Variants in NARS2 observed in about 807,000 individuals in gnomAD.
NARS2 encodes the protein asparaginyl-tRNA synthetase 2, mitochondrial.
A neutral mutation model predicts 62.9 loss-of-function variants in NARS2; 60 were observed. The ratio of observed to expected loss-of-function variants is 0.95; its 90% CI spans 0.77 to 1.18. The LOEUF (loss-of-function observed/expected upper bound fraction) is 1.18. NARS2 is among the 50% of genes most tolerant of loss of function. The pLI, the probability that NARS2 is intolerant of heterozygous loss-of-function variation, is 0.00. For synonymous variants in NARS2, 196 were observed against 200.0 expected, an observed-to-expected ratio of 0.98 and a Z score of 0.17; for missense variants, 619 against 576.4, an observed-to-expected ratio of 1.07 and a Z score of -0.76.
At chr11:78,449,080 A>C (rs1208621475) in intron 11 of NARS2, among the ~76,000 whole-genome samples, 1 of 151,158 alleles carries the variant, frequency 6.6e-6, no homozygotes, top group Non-Finnish European at 1.5e-5. Context: ...GCAACTGCAC[A>C]GTTATAGTTG....
intron 5 of NARS2, among the ~76,000 whole-genome samples, chr11:78,536,324 A>C (rs1855342536): frequency 6.6e-6 from 1 of 152,194 alleles, no homozygotes; most frequent in South Asian, 2.1e-4. Flanking sequence ...TTAACTGTAA[A>C]ACAAGCTCAG....
At chr11:78,530,248 GAT>G (rs1289277173) in intron 5 of NARS2, among the ~76,000 whole-genome samples, 1 of 151,838 alleles carries the variant, frequency 6.6e-6, no homozygotes, top group African/African-American at 2.4e-5. Context: ...TACTTGATCT[GAT>G]ATATGTTAAG....
intron 11 of NARS2, among the ~76,000 whole-genome samples, chr11:78,465,056 A>G (rs193019530): frequency 6.7e-4 from 102 of 152,258 alleles, no homozygotes; most frequent in Non-Finnish European, 1.2e-3. Flanking sequence ...GCGACACAGG[A>G]GCCCACGGAG....
intron 4 of NARS2, among the ~76,000 whole-genome samples, chr11:78,560,092 C>CT (rs111521465): frequency 0.024 from 3,626 of 152,240 alleles, 135 homozygotes; most frequent in African/African-American, 0.082. Flanking sequence ...TCAGTATAAA[C>CT]TTATCTTGAA....
rs67863152 is a variant in NARS2 at position 78,470,882 on chromosome 11, A to ATTTT, written c.960-1573_960-1570dup. On this transcript the variant is annotated intron_variant, in intron 9 of 13. Coordinates refer to ENST00000281038, the MANE Select transcript of NARS2 (RefSeq NM_024678.6). ...GTAAAATACTGCATCAGTATTTTGG[A>ATTTT]TTTTTTTTTTTTTTTTTTTTACAAA... Among the ~76,000 whole-genome samples the ATTTT allele has an allele frequency of 1.5e-3, 203 of 135,122 alleles. 4 individuals carry two copies. The highest frequency in any genetic ancestry group is 4.8e-3 in the South Asian group (21 of 4,340). The allele number at this position is 135,122 out of a possible 152,430, so 88.6% of individuals were successfully genotyped here.
chr11:78,548,897 G>A (rs758205114), intron 5 of NARS2, among the ~76,000 whole-genome samples: 4 of 152,096 alleles, frequency 2.6e-5, no homozygotes, highest in Non-Finnish European at 2.9e-5. Context: ...ACTAAAGCTC[G>A]GTGAGGACAA....
intron 9 of NARS2, among the ~76,000 whole-genome samples, chr11:78,477,757 TCTC>T (rs1468773122): frequency 1.2e-4 from 18 of 152,288 alleles, no homozygotes; most frequent in African/African-American, 3.1e-4. Flanking sequence ...CAGAGACTAA[TCTC>T]CTCCTGAGAA....
At chr11:78,529,474 T>C (rs761053311) in intron 5 of NARS2, among the ~76,000 whole-genome samples, 1 of 152,226 alleles carries the variant, frequency 6.6e-6, no homozygotes, top group Non-Finnish European at 1.5e-5. Context: ...AGCATGACTC[T>C]ATCTTTAAAA....
chr11:78,504,801 C>T (rs1044713452), intron 6 of NARS2, among the ~76,000 whole-genome samples: 2 of 152,058 alleles, frequency 1.3e-5, no homozygotes, highest in African/African-American at 4.8e-5. Flanking sequence ...TTAATCTGTT[C>T]GTATCTATCA....
At chr11:78,500,861 G>A (rs1196157054) in intron 6 of NARS2, among the ~76,000 whole-genome samples, 1 of 152,196 alleles carries the variant, frequency 6.6e-6, no homozygotes, top group Admixed American at 6.5e-5. Context: ...GGAAGGCCGA[G>A]GCGGGTGGAT....
chr11:78,478,147 T>C (rs1298863094), intron 9 of NARS2, among the ~76,000 whole-genome samples: 1 of 151,928 alleles, frequency 6.6e-6, no homozygotes, highest in Non-Finnish European at 1.5e-5. Context: ...TAAGTTTGAA[T>C]TATAGTTACA....
chr11:78,450,152 A>G lies in NARS2; in HGVS notation c.1165-6394T>C, dbSNP rs557721089. ...GAAGCACAAACTATATGTGCACATA[A>G]AACAGTTTTCCATGTTGCTTTTTCC... On this transcript the variant is annotated intron_variant, in intron 11 of 13. Transcript: ENST00000281038. Among the ~76,000 whole-genome samples the G allele has an allele frequency of 1.6e-4, 25 of 152,306 alleles. No individual in the cohort carries two copies. The South Asian group carries it at 1.7e-3, about 10-fold the overall frequency.
At position 78,461,387 on chromosome 11, in the gene NARS2, C is replaced by A. The variant is rs115876873; in HGVS notation, c.1164+4489G>T. On this transcript the variant is annotated intron_variant, in intron 11 of 13. Transcript: ENST00000281038. ...GAAAAACAGGGATAATGTGATGTCA[C>A]AGAAGTCAAGGGAGTAGAGGGTTAT... Among the ~76,000 whole-genome samples, 1,072 of 151,818 alleles carry A rather than the reference C, an allele frequency of 7.1e-3. 13 individuals are homozygous for A. The highest frequency in any genetic ancestry group is 0.024 in the African/African-American group (1,013 of 41,358).
chr11:78,574,295 T>C, intron 1 of NARS2, 53 bp downstream of exon 1: 1 of 1,607,934 alleles, frequency 6.2e-7, no homozygotes, highest in Non-Finnish European at 8.5e-7. Flanking sequence ...GATGTGGATG[T>C]GCCATATAAA....
intron 1 of NARS2, 78 bp downstream of exon 1, chr11:78,574,270 G>A (rs1857035203): frequency 2.5e-6 from 4 of 1,586,348 alleles, no homozygotes; most frequent in Non-Finnish European, 1.7e-6. Flanking sequence ...TGACCCGACT[G>A]TAAAAGAAAA....
At chr11:78,480,861 C>T (rs904940723) in intron 7 of NARS2, among the ~76,000 whole-genome samples, 1 of 151,752 alleles carries the variant, frequency 6.6e-6, no homozygotes, top group Non-Finnish European at 1.5e-5. Context: ...CTCTGTCACC[C>T]AGAATGGAGT....
rs183231901 is a variant in NARS2, at chr11:78,547,021, T to A, written c.594+12518A>T. Among the ~76,000 whole-genome samples, 363 of 152,340 alleles carry A rather than the reference T, an allele frequency of 2.4e-3. 2 individuals carry two copies. The highest frequency in any genetic ancestry group is 8.4e-3 in the African/African-American group (348 of 41,592). On this transcript the variant is annotated intron_variant, in intron 5 of 13. Transcript: ENST00000281038. ...GCTACGATTTCACGTGTCAGCTTTA[T>A]CTTCTGGATAAACACTATACATTTC...
At chr11:78,561,636 C>G (rs1413285192) in intron 4 of NARS2, among the ~76,000 whole-genome samples, 1 of 152,168 alleles carries the variant, frequency 6.6e-6, no homozygotes, top group East Asian at 1.9e-4. Flanking sequence ...AATAGATTAT[C>G]TTTTTCTTTC....
intron 13 of NARS2, among the ~76,000 whole-genome samples, chr11:78,437,173 T>A (rs1857435336): frequency 6.6e-6 from 1 of 152,210 alleles, no homozygotes; most frequent in Non-Finnish European, 1.5e-5. Flanking sequence ...TATTTCTTGG[T>A]AGGTTAATCA....
Sources: allele counts gnomAD v4.1 joint callset (sites outside exome capture counted in the v4.1 genomes callset), GRCh38; gene constraint gnomAD v4.1.1; transcripts MANE v1.5; gene names NCBI Gene and HGNC (gene_info 2026-07-23, HGNC 2026-07-21).